PTPRQ: variants seen among roughly 807,000 people sequenced by gnomAD.
PTPRQ encodes the protein protein tyrosine phosphatase receptor type Q.
Under a neutral mutation model 246.0 loss-of-function variants are expected in PTPRQ, and 199 were observed. The ratio of observed to expected loss-of-function variants is 0.81; its 90% CI spans 0.72 to 0.91. The LOEUF (loss-of-function observed/expected upper bound fraction) is 0.91, where lower values mean the gene tolerates loss of function less well. PTPRQ is among the 40% of genes least tolerant of loss of function. PTPRQ has a pLI of 0.00. For synonymous variants in PTPRQ, 869 were observed against 853.2 expected (o/e 1.02, Z -0.32); for missense variants, 2,624 against 2,528.4 (o/e 1.04, Z -0.81).
intron 25 of PTPRQ, among the ~76,000 whole-genome samples, chr12:80,578,986 G>C (rs145457644): frequency 1.3e-5 from 2 of 151,790 alleles, no homozygotes; most frequent in African/African-American, 4.8e-5. Flanking sequence ...CTAATTCCTG[G>C]GTTCATTCCA....
Position 80,541,599 on chromosome 12 carries a change from T to C in PTPRQ, c.3199T>C (p.Ser1067Pro), listed in dbSNP as rs1896153784. The C allele has an allele frequency of 2.6e-6, 4 of 1,540,388 alleles. No homozygotes were observed. Among genetic ancestry groups the C allele is most frequent in the Non-Finnish European group, 3.5e-6 (4 of 1,141,422 alleles). Residue 1067 changes from serine (S) to proline (P), a missense_variant, in exon 21 of 45, where the codon TCA (serine) becomes CCA (proline). Physicochemically the swap from Ser to Pro is moderately conservative, Grantham distance 74. Transcript: ENST00000644991. The stretch of plus-strand genomic sequence containing the variant: ...AAACCTGACTTACGAATCCATTTCG[T>C]CAACTGCAATAAATGTAAGCTGGGT... ...VGNLTYESIS[S>P]TAINVSWVPP... is the part of the protein sequence containing the mutation.
intron 31 of PTPRQ, 150 bp from the exon 32 acceptor site, chr12:80,620,004 C>T: frequency 1.0e-6 from 1 of 981,092 alleles, no homozygotes. Context: ...ACAGGGTTAC[C>T]TGCCTATACA....
intron 14 of PTPRQ, among the ~76,000 whole-genome samples, chr12:80,501,961 T>C (rs1366868731): frequency 6.7e-6 from 1 of 148,640 alleles, no homozygotes; most frequent in East Asian, 2.0e-4. Context: ...ATGTAGAAAA[T>C]GAGGAATGGC....
Position 80,679,148 on chromosome 12 carries a change from T to C in PTPRQ, c.*125T>C. The stretch of plus-strand genomic sequence containing the variant: ...ATATCTATGCTTCTCTCACTGTGCC[T>C]TTCCAAACGGATTGAACATTTTAAG... On this transcript the variant is annotated 3_prime_UTR_variant, in exon 45 of 45. Coordinates refer to ENST00000644991, the MANE Select transcript of PTPRQ (RefSeq NM_001145026.2). 2 of 1,173,356 alleles carry C rather than the reference T, an allele frequency of 1.7e-6. No homozygotes were observed. Among genetic ancestry groups the C allele is most frequent in the South Asian group, 4.3e-5 (2 of 46,240 alleles). 72.7% of individuals were successfully genotyped at this position (1,173,356 alleles called of 1,614,324 possible).
intron 17 of PTPRQ, among the ~76,000 whole-genome samples, chr12:80,517,317 AGTT>A (rs1366266912): frequency 6.6e-6 from 1 of 152,072 alleles, no homozygotes; most frequent in Admixed American, 6.6e-5. Context: ...GCATTTGCTT[AGTT>A]GTTTACCGTG....
chr12:80,461,901 G>A (rs1281382484), intron 6 of PTPRQ: 1 of 116,520 alleles, frequency 8.6e-6, no homozygotes, highest in Middle Eastern at 3.9e-3. Context: ...TGGCCGAATA[G>A]GAACAGCTCC....
intron 34 of PTPRQ, chr12:80,634,597 A>G: frequency 5.1e-6 from 1 of 194,780 alleles, no homozygotes; most frequent in Non-Finnish European, 1.0e-5. Context: ...GTTCCTTTAT[A>G]TGACAAATCA....
At chr12:80,547,446 G>A (rs1269679371) in intron 24 of PTPRQ, among the ~76,000 whole-genome samples, 1 of 151,922 alleles carries the variant, frequency 6.6e-6, no homozygotes, top group African/African-American at 2.4e-5. Flanking sequence ...ATCAGCTCTG[G>A]ATGCACTTCC....
At chr12:80,664,958 G>C (rs1483603845) in intron 39 of PTPRQ, among the ~76,000 whole-genome samples, 3 of 152,012 alleles carry the variant, frequency 2.0e-5, no homozygotes, top group Non-Finnish European at 4.4e-5. Context: ...GTTCTCTAGA[G>C]GGACAGAACT....
intron 26 of PTPRQ, 140 bp downstream of exon 26, chr12:80,588,592 A>T: frequency 1.0e-6 from 1 of 998,848 alleles, no homozygotes; most frequent in Admixed American, 4.0e-5. Flanking sequence ...ATATAACGAC[A>T]TATTTAGTTT....
chr12:80,647,504 C>T lies in PTPRQ; in HGVS notation c.5916-1393C>T, dbSNP rs190463271. Reference sequence around the variant, plus strand: ...TGTGTGGATGTAGCCTGTAGTTTATCTTTCTTTCTTGCTGGTCTTCGCTGA... The same window carrying T: ...TGTGTGGATGTAGCCTGTAGTTTATTTTTCTTTCTTGCTGGTCTTCGCTGA... On this transcript the variant is annotated intron_variant, in intron 35 of 44. Transcript: ENST00000644991. Among the ~76,000 whole-genome samples, 28 of 152,196 alleles carry T rather than the reference C, an allele frequency of 1.8e-4. 1 individual carries two copies. The East Asian group carries it at 4.8e-3, about 26-fold the overall frequency.
Position 80,510,347 on chromosome 12 carries a change from T to C in PTPRQ, c.2582T>C (p.Phe861Ser). Residue 861 changes from phenylalanine (F) to serine (S), a missense_variant, in exon 17 of 45, where the codon TTC becomes TCC. Coordinates refer to ENST00000644991, the MANE Select transcript of PTPRQ (RefSeq NM_001145026.2). ...EDAPDSPPQD[F>S]SVKQLSGVTV... is the part of the protein sequence containing the mutation. ...GCTCCTGATTCTCCCCCTCAAGACT[T>C]CTCTGTAAAACAGTTGTCTGGTGTC... The C allele has an allele frequency of 6.5e-7, 1 of 1,549,038 alleles. No homozygotes were observed. Among genetic ancestry groups the C allele is most frequent in the Non-Finnish European group, 8.7e-7 (1 of 1,145,484 alleles).
intron 17 of PTPRQ, among the ~76,000 whole-genome samples, chr12:80,514,745 G>T (rs1895239561): frequency 7.0e-6 from 1 of 143,800 alleles, no homozygotes; most frequent in African/African-American, 2.5e-5. Flanking sequence ...TATTACATTA[G>T]GTATTATATA....
chr12:80,506,328 G>T, intron 15 of PTPRQ, 122 bp downstream of exon 15: 1 of 1,134,676 alleles, frequency 8.8e-7, no homozygotes, highest in Non-Finnish European at 1.2e-6. Context: ...TTGTCTTTTT[G>T]GTTAAATAAG....
In PTPRQ at chr12:80,468,845, C is replaced by T. The variant is rs1467378496; in HGVS notation, c.1039+7C>T. On this transcript the variant is annotated splice_region_variant and intron_variant, in intron 7 of 44. Coordinates refer to ENST00000644991, the MANE Select transcript of PTPRQ (RefSeq NM_001145026.2). ...GAATTATATGGACCATCAGGTAAGC[C>T]TTAATTGGTTTTGTGTTTGCCTTTT... is the stretch of plus-strand genomic sequence containing the variant. 3 of 1,544,566 alleles carry T rather than the reference C, an allele frequency of 1.9e-6. No homozygotes were observed. The highest frequency in any genetic ancestry group is 2.6e-6 in the Non-Finnish European group (3 of 1,144,438).
chr12:80,621,954 A>G (rs1203357019), intron 32 of PTPRQ, 107 bp from the exon 33 acceptor site: 8 of 799,068 alleles, frequency 1.0e-5, no homozygotes, highest in Non-Finnish European at 1.4e-5. Context: ...TTGTAAATTC[A>G]TTTTCTTTTG....
chr12:80,501,141 G>A (rs774340998), intron 14 of PTPRQ, among the ~76,000 whole-genome samples: 1 of 151,930 alleles, frequency 6.6e-6, no homozygotes, highest in Non-Finnish European at 1.5e-5. Flanking sequence ...TGAACAGTGT[G>A]AGTTGGGGTA....
At chr12:80,651,122 C>T (rs1900244712) in intron 37 of PTPRQ, among the ~76,000 whole-genome samples, 1 of 152,036 alleles carries the variant, frequency 6.6e-6, no homozygotes, top group Non-Finnish European at 1.5e-5. Context: ...CTTAAACTCT[C>T]TTTGCCTCAA....
chr12:80,649,451 C>T (rs895729985), intron 36 of PTPRQ, 137 bp from the exon 37 acceptor site: 17 of 1,205,392 alleles, frequency 1.4e-5, no homozygotes, highest in Non-Finnish European at 1.7e-5. Flanking sequence ...AACAGAGTGA[C>T]TTTAAAAAGC....
Sources: allele counts gnomAD v4.1 joint callset (sites outside exome capture counted in the v4.1 genomes callset), GRCh38; gene constraint gnomAD v4.1.1; transcripts MANE v1.5; gene names NCBI Gene and HGNC (gene_info 2026-07-23, HGNC 2026-07-21).